Variants in CSMD1 observed in about 807,000 individuals in gnomAD.
CSMD1 encodes the protein CUB and sushi domain-containing protein 1.
CSMD1 carries 213 observed loss-of-function variants against 417.5 expected under a neutral mutation model. That is an observed-to-expected ratio of 0.51 (90% confidence interval 0.46 to 0.57). The LOEUF is 0.57. CSMD1 is among the 20% of genes least tolerant of loss of function. The pLI, the probability that CSMD1 is intolerant of heterozygous loss-of-function variation, is 0.00. For synonymous variants in CSMD1, 2,862 were observed against 1,736.8 expected, an observed-to-expected ratio of 1.65 and a Z score of -16.11; for missense variants, 6,923 against 4,529.7, an observed-to-expected ratio of 1.53 and a Z score of -15.17.
intron 3 of CSMD1, among the ~76,000 whole-genome samples, chr8:4,128,750 C>T (rs982178474): frequency 3.3e-5 from 5 of 152,100 alleles, no homozygotes; most frequent in Non-Finnish European, 5.9e-5. Flanking sequence ...TCCCACACAC[C>T]ACAGCCTCAC....
At chr8:3,532,382 GC>G (rs1798019622) in intron 10 of CSMD1, among the ~76,000 whole-genome samples, 1 of 152,164 alleles carries the variant, frequency 6.6e-6, no homozygotes, top group South Asian at 2.1e-4. Context: ...GTGTGTATGA[GC>G]GAGTGGTGAG....
At chr8:3,027,137 T>C (rs1020744301) in intron 51 of CSMD1, among the ~76,000 whole-genome samples, 1 of 152,112 alleles carries the variant, frequency 6.6e-6, no homozygotes, top group Non-Finnish European at 1.5e-5. Flanking sequence ...TTAAAATATA[T>C]ATAGTAGATA....
intron 12 of CSMD1, among the ~76,000 whole-genome samples, chr8:3,443,316 G>C (rs1031241): frequency 0.4 from 60,514 of 151,956 alleles, 12,953 homozygotes; most frequent in Middle Eastern, 0.52. Flanking sequence ...GTGGAGTGCT[G>C]TACAGCCAGA....
intron 1 of CSMD1, among the ~76,000 whole-genome samples, chr8:4,955,722 C>G (rs1386602539): frequency 1.4e-5 from 2 of 146,240 alleles, no homozygotes; most frequent in Non-Finnish European, 3.0e-5. Flanking sequence ...TCCTAAAGTG[C>G]TGGGATTACA....
At chr8:4,230,113 T>C (rs971649402) in intron 3 of CSMD1, among the ~76,000 whole-genome samples, 2 of 152,222 alleles carry the variant, frequency 1.3e-5, no homozygotes, top group African/African-American at 4.8e-5. Context: ...AACCTTTTTC[T>C]AAGATTAAAT....
chr8:4,166,188 G>A (rs1296604487), intron 3 of CSMD1, among the ~76,000 whole-genome samples: 1 of 152,010 alleles, frequency 6.6e-6, no homozygotes, highest in Non-Finnish European at 1.5e-5. Context: ...AAAAGCAAAT[G>A]CAAAATAGTC....
At chr8:3,359,012 G>A (rs747620684) in intron 21 of CSMD1, 140 bp downstream of exon 21, 1 of 705,292 alleles carries the variant, frequency 1.4e-6, no homozygotes, top group Admixed American at 2.6e-5. Context: ...CTCTCCCCTG[G>A]TTGGCAGAGT....
chr8:4,152,950 G>C (rs1300515097), intron 3 of CSMD1, among the ~76,000 whole-genome samples: 1 of 152,076 alleles, frequency 6.6e-6, no homozygotes, highest in East Asian at 1.9e-4. Flanking sequence ...CAAAATCTTA[G>C]AAATGGTATT....
intron 6 of CSMD1, among the ~76,000 whole-genome samples, chr8:3,726,615 G>A (rs1437680815): frequency 2.6e-5 from 4 of 152,120 alleles, no homozygotes; most frequent in African/African-American, 9.7e-5. Flanking sequence ...CCTGTGTTAC[G>A]AGGGTAGGTA....
intron 8 of CSMD1, among the ~76,000 whole-genome samples, chr8:3,586,547 C>T (rs1228993786): frequency 3.3e-5 from 5 of 152,120 alleles, no homozygotes; most frequent in Non-Finnish European, 1.5e-5. Context: ...GCAAAAATGA[C>T]TTCACTGAAT....
chr8:4,683,810 G>A (rs920324993), intron 1 of CSMD1, among the ~76,000 whole-genome samples: 13 of 152,246 alleles, frequency 8.5e-5, no homozygotes, highest in African/African-American at 2.9e-4. Context: ...AAAAATGGCA[G>A]TAAAAATAAG....
intron 7 of CSMD1, among the ~76,000 whole-genome samples, chr8:3,627,779 G>C (rs1406481595): frequency 1.3e-5 from 2 of 152,124 alleles, no homozygotes; most frequent in Non-Finnish European, 2.9e-5. Context: ...GTGAGGGTTG[G>C]AATTTCAGCC....
chr8:3,064,269 G>A lies in CSMD1; in HGVS notation c.7475-11622C>T, dbSNP rs371019119. The stretch of plus-strand genomic sequence containing the variant: ...TGCCCAAATCTCATGTTGAATTGGC[G>A]GGGCCTGGTGGGAGGTGACTGGATC... On this transcript the variant is annotated intron_variant, in intron 49 of 69. Transcript: ENST00000635120. Among the ~76,000 whole-genome samples the A allele has an allele frequency of 5.1e-4, 78 of 152,244 alleles. No individual in the cohort carries two copies. In the South Asian group the frequency reaches 0.015, roughly 28 times the overall value.
At chr8:2,955,860 T>G in intron 63 of CSMD1, 92 bp from the exon 64 acceptor site, 1 of 1,118,842 alleles carries the variant, frequency 8.9e-7, no homozygotes, top group Non-Finnish European at 1.3e-6. Flanking sequence ...AGTTTGGAAA[T>G]GGTTATGCAG....
intron 6 of CSMD1, among the ~76,000 whole-genome samples, chr8:3,741,213 TAAAAAAAAAAA>T (rs58662516): frequency 7.4e-5 from 5 of 67,266 alleles, no homozygotes; most frequent in Admixed American, 1.9e-4. Context: ...GACTCCGTCT[TAAAAAAAAAAA>T]AAAAAAAAAA....
intron 7 of CSMD1, among the ~76,000 whole-genome samples, chr8:3,691,317 G>C (rs958948272): frequency 6.6e-6 from 1 of 151,758 alleles, no homozygotes; most frequent in East Asian, 1.9e-4. Context: ...CAGTGAGCCG[G>C]GATCGTGCCA....
intron 10 of CSMD1, among the ~76,000 whole-genome samples, chr8:3,545,771 G>C (rs1162600066): frequency 1.3e-5 from 2 of 152,156 alleles, no homozygotes; most frequent in African/African-American, 4.8e-5. Context: ...ATACAGATAA[G>C]CTTTTGTTAA....
At chr8:3,562,762 C>T (rs1435845993) in intron 10 of CSMD1, among the ~76,000 whole-genome samples, 1 of 151,562 alleles carries the variant, frequency 6.6e-6, no homozygotes, top group Admixed American at 6.6e-5. Context: ...AATACGGAGC[C>T]TATTGGAGGG....
At chr8:4,293,773 C>A (rs1026577794) in intron 3 of CSMD1, among the ~76,000 whole-genome samples, 1 of 152,142 alleles carries the variant, frequency 6.6e-6, no homozygotes. Flanking sequence ...CAGTTTGGTA[C>A]AAATAAAACA....
Sources: allele counts gnomAD v4.1 joint callset (sites outside exome capture counted in the v4.1 genomes callset), GRCh38; gene constraint gnomAD v4.1.1; transcripts MANE v1.5; gene names NCBI Gene and HGNC (gene_info 2026-07-23, HGNC 2026-07-21).